The following SSBP4 variants were observed in gnomAD, a reference collection of about 807,000 sequenced individuals.
SSBP4 encodes the protein single-stranded DNA-binding protein 4.
A neutral mutation model predicts 64.6 loss-of-function variants in SSBP4; 33 were observed. The observed-to-expected ratio is 0.51, with a 90% confidence interval of 0.39 to 0.68. The LOEUF is 0.68. Ranked by LOEUF, SSBP4 falls within the 30% of genes least tolerant of loss-of-function variation. The pLI is 0.00. For missense variants in SSBP4, 583 were observed against 566.8 expected (o/e 1.03, Z -0.29); for synonymous variants, 243 against 224.0 (o/e 1.08, Z -0.76).
At chr19:18,428,056 T>TGGGGGGCTTGGGGGGGGGGGGGGGGGGG in intron 4 of SSBP4, 74 bp downstream of exon 4, 2 of 444,252 alleles carry the variant, frequency 4.5e-6, no homozygotes, top group African/African-American at 3.2e-5. Context: ...GGAGGTGGGG[T>TGGGGGGCTTGGGGGGGGGGGGGGGGGGG]GGGGGGCTGC....
chr19:18,434,061 T>C, intron 17 of SSBP4, 156 bp from the exon 18 acceptor site: 1 of 1,175,004 alleles, frequency 8.5e-7, no homozygotes, highest in Non-Finnish European at 1.1e-6. Flanking sequence ...AGGGCGGCCT[T>C]CCCATGCATC....
chr19:18,421,900 A>G (rs1022687236), intron 1 of SSBP4, among the ~76,000 whole-genome samples: 2 of 152,070 alleles, frequency 1.3e-5, no homozygotes, highest in African/African-American at 4.8e-5. Context: ...GCTCACGCCT[A>G]TAATCATCCT....
chr19:18,430,507 T>C (rs1306617666), intron 4 of SSBP4, among the ~76,000 whole-genome samples: 1 of 152,166 alleles, frequency 6.6e-6, no homozygotes, highest in East Asian at 1.9e-4. Context: ...CTCTTGAAAC[T>C]GCCGGTATAT....
chr19:18,414,243 A>C (rs902035766), upstream of SSBP4, among the ~76,000 whole-genome samples: 1 of 152,098 alleles, frequency 6.6e-6, no homozygotes, highest in African/African-American at 2.4e-5. Context: ...TACTGGAAGC[A>C]CTCTGATGGG....
At chr19:18,433,520 C>G in intron 15 of SSBP4, 65 bp from the exon 16 acceptor site, 2 of 1,540,006 alleles carry the variant, frequency 1.3e-6, no homozygotes, top group Non-Finnish European at 1.7e-6. Flanking sequence ...TCGTTGGCCC[C>G]TGGAGGCCGA....
upstream of SSBP4, among the ~76,000 whole-genome samples, chr19:18,414,704 G>A (rs73523054): frequency 5.5e-4 from 84 of 152,316 alleles, no homozygotes; most frequent in African/African-American, 1.7e-3. Context: ...GAGGACGGAC[G>A]TGGGGGTGTG....
Position 18,431,411 on chromosome 19 carries a change from A to G in SSBP4, c.428A>G (p.His143Arg). 1 of 1,485,530 alleles carries G rather than the reference A, an allele frequency of 6.7e-7. No homozygotes were observed. Among genetic ancestry groups the G allele is most frequent in the Non-Finnish European group, 9.0e-7 (1 of 1,106,426 alleles). 92.0% of individuals were successfully genotyped at this position (1,485,530 alleles called of 1,614,324 possible). ...HNPNAPMMGP[H>R]GQPFMSPRFP... The stretch of plus-strand genomic sequence containing the variant: ...CCCAACGCCCCCATGATGGGGCCTC[A>G]CGGTCAGGTAAGGAGCTGTGGTGCC... The change falls in exon 6 of 18, where the codon CAC becomes CGC. Residue 143 changes from histidine (H) to arginine (R), a missense_variant. By Grantham distance (29) the His-to-Arg change is conservative. Around this residue, in one of 5 missense-constraint regions of SSBP4, gnomAD observed 444 missense variants for 386.6 expected, o/e 1.15. Transcript: ENST00000270061.
chr19:18,432,578 C>T lies in SSBP4; in HGVS notation c.724C>T (p.Pro242Ser). The T allele has an allele frequency of 7.1e-7, 1 of 1,401,028 alleles. No homozygotes were observed. Among genetic ancestry groups the T allele is most frequent in the Non-Finnish European group, 9.6e-7 (1 of 1,046,674 alleles). The allele number at this position is 1,401,028 out of a possible 1,614,324, so 86.8% of individuals were successfully genotyped here. Residue 242 changes from proline to serine, a missense_variant, in exon 11 of 18, where the codon CCG (proline) becomes TCG (serine). This residue lies in a region of SSBP4 where 444 missense variants were observed against 386.6 expected (regional missense o/e 1.15). Transcript: ENST00000270061. ...AMNMGPGVRG[P>S]WASPSGNSIP... ...TTCCAGGGGCCCAGGAGTTCGTGGCCCGTGGGCCAGCCCCAGTGGAAACTC... is the reference window on the plus strand; with the variant it reads ...TTCCAGGGGCCCAGGAGTTCGTGGCTCGTGGGCCAGCCCCAGTGGAAACTC...
At chr19:18,418,870 G>A, upstream of SSBP4, 1 of 720,478 alleles carries the variant, frequency 1.4e-6, no homozygotes, top group Non-Finnish European at 1.7e-6. This position sits in a 1 kb window ranked among gnomAD's most constrained non-coding sequence, Gnocchi z 6.7. Context: ...GTGTGCGGTG[G>A]CCTGTGTTTA....
In SSBP4 at chr19:18,427,068, C is replaced by T. The variant is rs142258156; in HGVS notation, c.60-283C>T. Among the ~76,000 whole-genome samples, 406 of 152,256 alleles carry T rather than the reference C, an allele frequency of 2.7e-3. 5 individuals carry two copies. Among genetic ancestry groups the T allele is most frequent in the Middle Eastern group, 0.02 (6 of 294 alleles). ...GAATGACACTCCTCTATGGAGGAGACCTCCCCAGCGCTGAGGCCTCTCTGG... is the reference window on the plus strand; with the variant it reads ...GAATGACACTCCTCTATGGAGGAGATCTCCCCAGCGCTGAGGCCTCTCTGG... On this transcript the variant is annotated intron_variant, in intron 1 of 17. Coordinates refer to ENST00000270061, the MANE Select transcript of SSBP4 (RefSeq NM_032627.5). This position sits in a 1 kb window ranked among gnomAD's most constrained non-coding sequence, Gnocchi z 4.4.
chr19:18,415,184 A>G (rs903523220), upstream of SSBP4, among the ~76,000 whole-genome samples: 2 of 151,842 alleles, frequency 1.3e-5, no homozygotes, highest in South Asian at 4.2e-4. Flanking sequence ...ACAGCTTCTG[A>G]GAGGAAACGG....
intron 1 of SSBP4, among the ~76,000 whole-genome samples, chr19:18,422,726 A>G (rs951109913): frequency 6.6e-6 from 1 of 152,212 alleles, no homozygotes; most frequent in Non-Finnish European, 1.5e-5. Context: ...CGGGGCAGCC[A>G]CGCGGCTCTC....
At chr19:18,410,350 T>C in the SSBP4 span, among the ~76,000 whole-genome samples, 3 of 151,922 alleles carry the variant, frequency 2.0e-5, no homozygotes. Flanking sequence ...CAGGCTGGTA[T>C]TGAACTCCTG....
the SSBP4 span, among the ~76,000 whole-genome samples, chr19:18,408,139 G>GC: frequency 1.3e-5 from 2 of 152,236 alleles, no homozygotes; most frequent in Non-Finnish European, 2.9e-5. Flanking sequence ...GGTCGGCCAA[G>GC]CATGTCCCAC....
intron 5 of SSBP4, 34 bp from the exon 6 acceptor site, chr19:18,431,319 A>G: frequency 2.5e-6 from 1 of 397,754 alleles, no homozygotes; most frequent in Non-Finnish European, 4.5e-6. Flanking sequence ...GTAGGGCCTC[A>G]CTCCCCCCCA....
At chr19:18,422,753 G>A (rs1222931271) in intron 1 of SSBP4, among the ~76,000 whole-genome samples, 4 of 152,234 alleles carry the variant, frequency 2.6e-5, no homozygotes, top group African/African-American at 7.2e-5. Flanking sequence ...TATCTGCCTC[G>A]GGCAAGCCAC....
At chr19:18,409,386 C>T in the SSBP4 span, among the ~76,000 whole-genome samples, 10 of 152,192 alleles carry the variant, frequency 6.6e-5, no homozygotes, top group African/African-American at 2.4e-4. Flanking sequence ...TACGGCTTCA[C>T]CATGTTGCCC....
chr19:18,407,318 G>A, the SSBP4 span, among the ~76,000 whole-genome samples: 18 of 151,964 alleles, frequency 1.2e-4, no homozygotes, highest in Admixed American at 8.5e-4. Flanking sequence ...GATTACAGGC[G>A]TAAGACACAG....
chr19:18,403,059 C>T, the SSBP4 span, among the ~76,000 whole-genome samples: 3 of 152,178 alleles, frequency 2.0e-5, no homozygotes, highest in Non-Finnish European at 4.4e-5. Context: ...TGGCGGGAGG[C>T]GAGACGTATT....
Sources: allele counts gnomAD v4.1 joint callset (sites outside exome capture counted in the v4.1 genomes callset), GRCh38; gene constraint gnomAD v4.1.1; regional missense constraint gnomAD v4.1.1; non-coding constraint Gnocchi (gnomAD v3.1); transcripts MANE v1.5; gene names NCBI Gene and HGNC (gene_info 2026-07-23, HGNC 2026-07-21).